C8orf34: variants seen among roughly 807,000 people sequenced by gnomAD.
The protein encoded by C8orf34 is chromosome 8 open reading frame 34.
C8orf34 carries 65 observed loss-of-function variants against 68.3 expected under a neutral mutation model. The ratio of observed to expected loss-of-function variants is 0.95; its 90% CI spans 0.78 to 1.17. C8orf34 has a LOEUF of 1.17. Ranked by LOEUF, C8orf34 falls within the 50% of genes most tolerant of loss-of-function variation. The pLI, the probability that C8orf34 is intolerant of heterozygous loss-of-function variation, is 0.00. For synonymous variants in C8orf34, 244 were observed against 241.2 expected (o/e 1.01, Z -0.11); for missense variants, 664 against 655.4 (o/e 1.01, Z -0.14).
chr8:68,515,133 T>G (rs1164887269), intron 5 of C8orf34, among the ~76,000 whole-genome samples: 1 of 152,188 alleles, frequency 6.6e-6, no homozygotes, highest in Admixed American at 6.5e-5. Flanking sequence ...AAAAAATCAC[T>G]TTGTACACCT....
At chr8:68,687,445 C>T (rs1820553379) in intron 8 of C8orf34, among the ~76,000 whole-genome samples, 1 of 151,896 alleles carries the variant, frequency 6.6e-6, no homozygotes, top group Admixed American at 6.6e-5. Flanking sequence ...ATAGAGAACC[C>T]AGAAATAAAG....
chr8:68,603,210 A>G (rs1817750432), intron 7 of C8orf34, among the ~76,000 whole-genome samples: 1 of 152,138 alleles, frequency 6.6e-6, no homozygotes. Context: ...GGCTAGGACC[A>G]AAACTCTCAT....
intron 3 of C8orf34, among the ~76,000 whole-genome samples, chr8:68,466,799 A>C (rs1049472282): frequency 6.8e-6 from 1 of 146,410 alleles, no homozygotes; most frequent in Non-Finnish European, 1.5e-5. Context: ...ACTTTACCAG[A>C]CATAAGATTG....
intron 3 of C8orf34, among the ~76,000 whole-genome samples, chr8:68,464,187 T>A (rs1016480033): frequency 3.3e-5 from 5 of 152,024 alleles, no homozygotes; most frequent in Non-Finnish European, 7.4e-5. Context: ...GAACTCCCAT[T>A]CAAAGAGAAT....
At chr8:68,797,308 T>G (rs1173286796) in intron 12 of C8orf34, among the ~76,000 whole-genome samples, 1 of 152,178 alleles carries the variant, frequency 6.6e-6, no homozygotes, top group African/African-American at 2.4e-5. Flanking sequence ...CAAGAGACTG[T>G]GGACCTGTTC....
chr8:68,496,018 A>C, intron 5 of C8orf34, among the ~76,000 whole-genome samples: 1 of 152,190 alleles, frequency 6.6e-6, no homozygotes, highest in East Asian at 1.9e-4. Context: ...TTCCTACCAC[A>C]AGACATTTTC....
At chr8:68,454,062 T>C (rs1262111591) in intron 3 of C8orf34, among the ~76,000 whole-genome samples, 1 of 152,050 alleles carries the variant, frequency 6.6e-6, no homozygotes, top group African/African-American at 2.4e-5. Context: ...ATTCCGTTAA[T>C]ATGATGTGTT....
intron 3 of C8orf34, chr8:68,446,728 C>T: frequency 4.9e-6 from 2 of 405,248 alleles, no homozygotes; most frequent in Non-Finnish European, 4.3e-6. Context: ...GAGCGGGTCT[C>T]TTGTTTCTCA....
intron 8 of C8orf34, among the ~76,000 whole-genome samples, chr8:68,684,045 G>T (rs1820443947): frequency 1.3e-5 from 2 of 152,174 alleles, no homozygotes; most frequent in African/African-American, 2.4e-5. Flanking sequence ...TCCAAAGGAG[G>T]TTAAGTTTGC....
intron 11 of C8orf34, among the ~76,000 whole-genome samples, chr8:68,782,431 CTT>C (rs10539738): frequency 0.44 from 60,951 of 138,490 alleles, 14,603 homozygotes; most frequent in African/African-American, 0.68. Flanking sequence ...GATTGAGTGT[CTT>C]TTTTTTTTTT....
At chr8:68,745,743 G>T (rs1822467685) in intron 10 of C8orf34, among the ~76,000 whole-genome samples, 1 of 151,976 alleles carries the variant, frequency 6.6e-6, no homozygotes, top group Non-Finnish European at 1.5e-5. Flanking sequence ...AGCAAGTTCT[G>T]AGTGACCTAC....
chr8:68,633,300 G>T (rs1818744637), intron 7 of C8orf34, among the ~76,000 whole-genome samples: 1 of 152,054 alleles, frequency 6.6e-6, no homozygotes, highest in Non-Finnish European at 1.5e-5. Flanking sequence ...GTAAGAATAG[G>T]GCCAAGTGCC....
In C8orf34 at chr8:68,331,104, G is replaced by C. The variant is rs1196342218; in HGVS notation, c.92G>C (p.Arg31Pro). Reference sequence around the variant, plus strand: ...GCGCCCCACGCGCGCGTGGCTCCCCGGGCTGCCACCCACGCCCGCGGCCGG... The same window carrying C: ...GCGCCCCACGCGCGCGTGGCTCCCCCGGCTGCCACCCACGCCCGCGGCCGG... ...LSAPHARVAPRAATHARGRGR... is the reference protein window; with the variant it reads ...LSAPHARVAPPAATHARGRGR... Residue 31 changes from arginine (R) to proline (P), a missense_variant, in exon 1 of 14, where the codon CGG (arginine) becomes CCG (proline). Transcript: ENST00000518698. 2 of 1,496,652 alleles carry C rather than the reference G, an allele frequency of 1.3e-6. No individual in the cohort carries two copies. The highest frequency in any genetic ancestry group is 2.5e-5 in the South Asian group (2 of 78,706). The allele number at this position is 1,496,652 out of a possible 1,614,324, so 92.7% of individuals were successfully genotyped here.
chr8:68,534,559 A>C, intron 7 of C8orf34: 1 of 907,414 alleles, frequency 1.1e-6, no homozygotes, highest in Non-Finnish European at 1.3e-6. Flanking sequence ...GGTAAGGGAC[A>C]GTGACCCAGG....
At chr8:68,465,257 T>C (rs1207241127) in intron 3 of C8orf34, among the ~76,000 whole-genome samples, 2 of 151,482 alleles carry the variant, frequency 1.3e-5, no homozygotes, top group African/African-American at 4.9e-5. Flanking sequence ...TGAGATACCA[T>C]CTCACACCAG....
At chr8:68,331,802 TTTTTTTTTTTA>T in intron 1 of C8orf34, among the ~76,000 whole-genome samples, 2 of 93,430 alleles carry the variant, frequency 2.1e-5, no homozygotes, top group African/African-American at 8.6e-5. Flanking sequence ...TTTTTTTTTT[TTTTTTTTTTTA>T]ATGAGGGCGG....
intron 10 of C8orf34, among the ~76,000 whole-genome samples, chr8:68,734,129 G>C (rs1310426497): frequency 1.3e-5 from 2 of 151,934 alleles, no homozygotes; most frequent in African/African-American, 2.4e-5. Flanking sequence ...AAATATAAAG[G>C]GTTTATTAGC....
chr8:68,404,746 G>A (rs749315810), intron 1 of C8orf34, among the ~76,000 whole-genome samples: 2 of 152,088 alleles, frequency 1.3e-5, no homozygotes, highest in Non-Finnish European at 2.9e-5. Flanking sequence ...ATCTGTTTTG[G>A]TACCAGGATC....
chr8:68,613,443 T>C (rs1426823147), intron 7 of C8orf34, among the ~76,000 whole-genome samples: 1,693 of 129,488 alleles, frequency 0.013, no homozygotes, highest in African/African-American at 0.029. Context: ...TCCCTCCCCC[T>C]CCCCCCACAC....
Sources: allele counts gnomAD v4.1 joint callset (sites outside exome capture counted in the v4.1 genomes callset), GRCh38; gene constraint gnomAD v4.1.1; transcripts MANE v1.5; gene names NCBI Gene and HGNC (gene_info 2026-07-23, HGNC 2026-07-21).